Variants in SLC25A40 observed in about 807,000 individuals in gnomAD.
The protein encoded by SLC25A40 is solute carrier family 25 member 40, also known as mitochondrial glutathione transporter SLC25A40.
In SLC25A40, 41 loss-of-function variants were observed where a neutral mutation model predicts 46.5. The ratio of observed to expected loss-of-function variants is 0.88; its 90% CI spans 0.69 to 1.14. The LOEUF is 1.14. SLC25A40 is among the 50% of genes most tolerant of loss of function. SLC25A40 has a pLI of 0.00. For synonymous variants in SLC25A40, 126 were observed against 127.5 expected (o/e 0.99, Z 0.08); for missense variants, 386 against 393.6 (o/e 0.98, Z 0.16).
chr7:87,839,088 A>C (rs914834555), intron 10 of SLC25A40, among the ~76,000 whole-genome samples: 1 of 151,504 alleles, frequency 6.6e-6, no homozygotes, highest in Non-Finnish European at 1.5e-5. Context: ...TGCTACTGCC[A>C]GATTGTTTTC....
intron 8 of SLC25A40, among the ~76,000 whole-genome samples, chr7:87,845,201 C>A (rs1451720478): frequency 1.3e-5 from 2 of 152,120 alleles, no homozygotes; most frequent in African/African-American, 2.4e-5. Context: ...CGAAACAGAT[C>A]CATGCATACA....
chr7:87,876,334 A>T lies in SLC25A40; in HGVS notation c.-332T>A, dbSNP rs1358433112. ...GGGTAGAGGCGGAAACACAACCTGC[A>T]GGGCCAGAGCGAGGCGCGAGAAGGA... On this transcript the variant is annotated 5_prime_UTR_variant, in exon 1 of 12. Coordinates refer to ENST00000341119, the MANE Select transcript of SLC25A40 (RefSeq NM_018843.4). The T allele has an allele frequency of 5.6e-6, 1 of 177,230 alleles. No homozygotes were observed. The highest frequency in any genetic ancestry group is 1.2e-5 in the Non-Finnish European group (1 of 85,682). 11.0% of individuals were successfully genotyped at this position (177,230 alleles called of 1,614,324 possible). A position where few individuals can be genotyped will look rare whatever the true frequency, so the allele number is the denominator to read the frequency against.
rs910024657 is a variant in SLC25A40 at position 87,856,510 on chromosome 7, T to A, written c.98-159A>T. On this transcript the variant is annotated intron_variant, in intron 3 of 11. Transcript: ENST00000341119. ...GTAGTCTTGAATGTAACATTCTAAT[T>A]TTTTTGCCCTTAAATTTTGTTAATC... The A allele has an allele frequency of 5.7e-6, 4 of 701,490 alleles. No individual in the cohort carries two copies. The African/African-American group carries it at 7.1e-5, about 12-fold the overall frequency. The allele number at this position is 701,490 out of a possible 1,614,324, so 43.5% of individuals were successfully genotyped here.
chr7:87,834,703 A>G lies in SLC25A40; in HGVS notation c.*1546T>C, dbSNP rs1013350627. On this transcript the variant is annotated 3_prime_UTR_variant, in exon 12 of 12. Transcript: ENST00000341119. The stretch of plus-strand genomic sequence containing the variant: ...AGATAAATTTAAATTTAATATTGTT[A>G]AAGAGCACTGTTCAAGATAAACTTT... 3.3e-5 allele frequency: 5 copies of G among 151,716 alleles called. No individual in the cohort carries two copies. Among genetic ancestry groups the G allele is most frequent in the Non-Finnish European group, 3.0e-5 (2 of 67,736 alleles). 9.4% of individuals were successfully genotyped at this position (151,716 alleles called of 1,614,324 possible).
intron 8 of SLC25A40, 178 bp from the exon 9 acceptor site, chr7:87,844,041 T>C: frequency 1.2e-5 from 12 of 970,170 alleles, no homozygotes; most frequent in Non-Finnish European, 1.5e-5. Context: ...TTCTCAGTAA[T>C]ATTCTAGTAG....
intron 10 of SLC25A40, among the ~76,000 whole-genome samples, chr7:87,841,338 A>G (rs1157917709): frequency 6.6e-6 from 1 of 151,726 alleles, no homozygotes; most frequent in Non-Finnish European, 1.5e-5. Context: ...CTTTAGGAAA[A>G]AACATCATAA....
intron 1 of SLC25A40, among the ~76,000 whole-genome samples, chr7:87,867,295 A>G (rs965096268): frequency 1.3e-5 from 2 of 151,972 alleles, no homozygotes; most frequent in Non-Finnish European, 2.9e-5. Flanking sequence ...ATTCCTTTTC[A>G]TTCTTTTTAT....
rs902275286 is a variant in SLC25A40 at position 87,876,335 on chromosome 7, G to C, written c.-333C>G. On this transcript the variant is annotated 5_prime_UTR_variant, in exon 1 of 12. Coordinates refer to ENST00000341119, the MANE Select transcript of SLC25A40 (RefSeq NM_018843.4). ...GGTAGAGGCGGAAACACAACCTGCA[G>C]GGCCAGAGCGAGGCGCGAGAAGGAC... 2 of 179,508 alleles carry C rather than the reference G, an allele frequency of 1.1e-5. No homozygotes were observed. The highest frequency in any genetic ancestry group is 2.3e-5 in the Non-Finnish European group (2 of 87,338). The allele number at this position is 179,508 out of a possible 1,614,324, so 11.1% of individuals were successfully genotyped here.
chr7:87,874,445 G>A (rs879893034), intron 1 of SLC25A40, among the ~76,000 whole-genome samples: 14 of 152,078 alleles, frequency 9.2e-5, no homozygotes, highest in Non-Finnish European at 1.6e-4. Context: ...TTTTGAAAGA[G>A]TACACTCAAC....
chr7:87,844,031 T>C, intron 8 of SLC25A40, 168 bp from the exon 9 acceptor site: 1 of 976,912 alleles, frequency 1.0e-6, no homozygotes, highest in South Asian at 4.7e-5. Context: ...TAATGCAAAA[T>C]TCTCAGTAAT....
chr7:87,858,824 C>G, intron 2 of SLC25A40, 73 bp from the exon 3 acceptor site: 3 of 803,488 alleles, frequency 3.7e-6, no homozygotes, highest in Non-Finnish European at 4.2e-6. Flanking sequence ...TTCAGCTAAG[C>G]TGGGTGAGCA....
chr7:87,854,460 A>G (rs2131008787), intron 4 of SLC25A40, 150 bp from the exon 5 acceptor site: 1 of 589,374 alleles, frequency 1.7e-6, no homozygotes. Context: ...TCTACTTTTT[A>G]GGATGAAACA....
intron 8 of SLC25A40, among the ~76,000 whole-genome samples, chr7:87,844,252 C>T (rs1005889376): frequency 6.6e-6 from 1 of 152,054 alleles, no homozygotes; most frequent in Admixed American, 6.5e-5. Flanking sequence ...AGTTGGGTTA[C>T]CCCAGAAATG....
At position 87,841,705 on chromosome 7, in the gene SLC25A40, C is replaced by T. The variant is rs770257875; in HGVS notation, c.751G>A (p.Val251Ile). ...ACTACATCAAATGGTAAAGTTGCAA[C>T]AGCAGCAAACTATCAGAAAGTAAAA... ...SGALSGSFAAVATLPFDVVKT... is the reference protein window; with the variant it reads ...SGALSGSFAAIATLPFDVVKT... The change falls in exon 10 of 12, where the codon GTT (valine) becomes ATT (isoleucine). Residue 251 changes from valine (V) to isoleucine (I), a missense_variant. Val to Ile is a conservative substitution (Grantham distance 29, BLOSUM62 3). Coordinates refer to ENST00000341119, the MANE Select transcript of SLC25A40 (RefSeq NM_018843.4). 3 of 1,521,120 alleles carry T rather than the reference C, an allele frequency of 2.0e-6. No individual in the cohort carries two copies. The highest frequency in any genetic ancestry group is 2.7e-6 in the Non-Finnish European group (3 of 1,132,062). The allele number at this position is 1,521,120 out of a possible 1,614,324, so 94.2% of individuals were successfully genotyped here.
chr7:87,849,781 C>A (rs1838479164), intron 6 of SLC25A40, 100 bp downstream of exon 6: 2 of 811,282 alleles, frequency 2.5e-6, no homozygotes. Flanking sequence ...AAAATGAAAG[C>A]ATTCTAATAT....
At chr7:87,843,627 AT>A (rs926433811) in intron 9 of SLC25A40, 126 bp downstream of exon 9, 47 of 598,330 alleles carry the variant, frequency 7.9e-5, no homozygotes, top group Non-Finnish European at 1.3e-4. Context: ...TAGATGGAAA[AT>A]ACTTAGACAA....
At position 87,854,280 on chromosome 7, in the gene SLC25A40, A is replaced by G; in HGVS notation, c.188T>C (p.Met63Thr). 6.2e-7 allele frequency: 1 copy of G among 1,613,022 alleles called. No individual in the cohort carries two copies. Among genetic ancestry groups the G allele is most frequent in the Non-Finnish European group, 8.5e-7 (1 of 1,179,218 alleles). ...CTCTTCACAGACACATAGATGATCC[A>G]TGAGTCCATTACTATATACAAAACA... ...GKCFVYSNGL[M>T]DHLCVCEEGG... The change falls in exon 5 of 12, where the codon ATG becomes ACG. Residue 63 changes from methionine to threonine, a missense_variant. Met to Thr is a moderately conservative substitution (Grantham distance 81). Transcript: ENST00000341119.
At chr7:87,840,440 A>C (rs186746713) in intron 10 of SLC25A40, among the ~76,000 whole-genome samples, 2 of 151,864 alleles carry the variant, frequency 1.3e-5, no homozygotes, top group Admixed American at 1.3e-4. Context: ...TGTGCATTAG[A>C]ATCTACCTGT....
intron 5 of SLC25A40, among the ~76,000 whole-genome samples, chr7:87,852,144 C>T (rs1046642992): frequency 6.6e-6 from 1 of 151,970 alleles, no homozygotes; most frequent in Admixed American, 6.6e-5. Flanking sequence ...ATGTTATTAC[C>T]CTCCAAATTA....
Sources: allele counts gnomAD v4.1 joint callset (sites outside exome capture counted in the v4.1 genomes callset), GRCh38; gene constraint gnomAD v4.1.1; transcripts MANE v1.5; gene names NCBI Gene and HGNC (gene_info 2026-07-23, HGNC 2026-07-21).